MAF: variants seen among roughly 807,000 people sequenced by gnomAD.
The protein encoded by MAF is MAF bZIP transcription factor.
MAF carries 10 observed loss-of-function variants against 22.0 expected under a neutral mutation model. The ratio of observed to expected loss-of-function variants is 0.45; its 90% CI spans 0.28 to 0.77. The LOEUF is 0.77. MAF is among the 30% of genes least tolerant of loss of function. The pLI is 0.12. For synonymous variants in MAF, 337 were observed against 255.8 expected, an observed-to-expected ratio of 1.32 and a Z score of -3.03; for missense variants, 544 against 548.4, an observed-to-expected ratio of 0.99 and a Z score of 0.08.
the MAF span, among the ~76,000 whole-genome samples, chr16:79,575,306 G>A: frequency 6.6e-6 from 1 of 152,082 alleles, no homozygotes; most frequent in Admixed American, 6.5e-5. Context: ...GACCATGAAG[G>A]CCCACCCTTG....
chr16:79,580,389 T>C, the MAF span, among the ~76,000 whole-genome samples: 1 of 152,220 alleles, frequency 6.6e-6, no homozygotes, highest in Admixed American at 6.5e-5. Flanking sequence ...CTGCACATGC[T>C]GACTAGAATG....
the MAF span, among the ~76,000 whole-genome samples, chr16:79,287,820 T>C: frequency 2.0e-5 from 3 of 152,196 alleles, no homozygotes; most frequent in Non-Finnish European, 4.4e-5. Flanking sequence ...CATTCATTTA[T>C]TCATCACCTT....
the MAF span, among the ~76,000 whole-genome samples, chr16:79,337,064 C>A: frequency 5.0e-3 from 766 of 152,256 alleles, 6 homozygotes; most frequent in African/African-American, 0.017. Context: ...ATGCTCCCTG[C>A]AAACCTTCAT....
At chr16:79,482,304 G>A in the MAF span, among the ~76,000 whole-genome samples, 1 of 152,058 alleles carries the variant, frequency 6.6e-6, no homozygotes, top group African/African-American at 2.4e-5. Flanking sequence ...ATTTCCTTCT[G>A]TTGGGGAAGT....
At chr16:79,371,156 G>C in the MAF span, among the ~76,000 whole-genome samples, 1 of 152,004 alleles carries the variant, frequency 6.6e-6, no homozygotes, top group Non-Finnish European at 1.5e-5. Flanking sequence ...GTTTTGGTGG[G>C]AGTGCCTGGA....
the MAF span, among the ~76,000 whole-genome samples, chr16:79,367,316 A>G: frequency 1.3e-5 from 2 of 152,206 alleles, no homozygotes; most frequent in African/African-American, 2.4e-5. Context: ...GTCTTATGAC[A>G]GCTGCTGGTT....
chr16:79,246,845 C>T, the MAF span, among the ~76,000 whole-genome samples: 5 of 152,114 alleles, frequency 3.3e-5, no homozygotes, highest in Non-Finnish European at 7.4e-5. Context: ...TCCATCCATC[C>T]ATCCATCTTT....
chr16:79,539,605 AG>A, the MAF span, among the ~76,000 whole-genome samples: 1 of 152,274 alleles, frequency 6.6e-6, no homozygotes, highest in South Asian at 2.1e-4. Flanking sequence ...TCAGAGATTC[AG>A]ACTAAGATTT....
At chr16:79,481,637 C>G in the MAF span, among the ~76,000 whole-genome samples, 1 of 152,186 alleles carries the variant, frequency 6.6e-6, no homozygotes, top group Non-Finnish European at 1.5e-5. Context: ...TCTACCCATC[C>G]ACCCACCCAT....
At chr16:79,547,221 A>T in the MAF span, among the ~76,000 whole-genome samples, 1 of 151,726 alleles carries the variant, frequency 6.6e-6, no homozygotes, top group Non-Finnish European at 1.5e-5. Flanking sequence ...CCCTACACAC[A>T]CCCCTACACA....
the MAF span, among the ~76,000 whole-genome samples, chr16:79,259,684 T>C: frequency 6.6e-6 from 1 of 152,132 alleles, no homozygotes. Context: ...AAGAAAGTGA[T>C]TCTGCTCATG....
At chr16:79,332,986 C>A in the MAF span, among the ~76,000 whole-genome samples, 10 of 152,362 alleles carry the variant, frequency 6.6e-5, no homozygotes, top group South Asian at 1.9e-3. Flanking sequence ...CCCCCTGTCT[C>A]CGGGCCACTG....
At chr16:79,320,873 G>A in the MAF span, among the ~76,000 whole-genome samples, 1 of 152,166 alleles carries the variant, frequency 6.6e-6, no homozygotes, top group South Asian at 2.1e-4. Flanking sequence ...CCCCATGCAG[G>A]AGGTACTGTT....
the MAF span, among the ~76,000 whole-genome samples, chr16:79,290,713 C>T: frequency 6.6e-6 from 1 of 152,072 alleles, no homozygotes; most frequent in Non-Finnish European, 1.5e-5. Context: ...TTCCGTGCAA[C>T]AGCTTCCAAT....
chr16:79,275,718 C>A, the MAF span, among the ~76,000 whole-genome samples: 1 of 152,186 alleles, frequency 6.6e-6, no homozygotes. Flanking sequence ...ACAAAACTTA[C>A]AGCCTCATGA....
chr16:79,596,486 A>C, intron 1 of MAF: 1 of 1,051,958 alleles, frequency 9.5e-7, no homozygotes, highest in Non-Finnish European at 1.1e-6. Context: ...GAATCAAAAA[A>C]AAATGCCGTT....
the MAF span, among the ~76,000 whole-genome samples, chr16:79,560,214 G>A: frequency 6.6e-6 from 1 of 152,040 alleles, no homozygotes; most frequent in African/African-American, 2.4e-5. Flanking sequence ...GTGCACCACT[G>A]TACCTGGCCA....
chr16:79,226,771 T>G, the MAF span, among the ~76,000 whole-genome samples: 1 of 152,122 alleles, frequency 6.6e-6, no homozygotes, highest in Non-Finnish European at 1.5e-5. Context: ...AAAGGTATGC[T>G]CTAATAGTTT....
At chr16:79,470,176 C>G in the MAF span, among the ~76,000 whole-genome samples, 1 of 152,214 alleles carries the variant, frequency 6.6e-6, no homozygotes, top group Non-Finnish European at 1.5e-5. Flanking sequence ...CCCAATAGAT[C>G]ACATGAGCGG....
Sources: allele counts gnomAD v4.1 joint callset (sites outside exome capture counted in the v4.1 genomes callset), GRCh38; gene constraint gnomAD v4.1.1; transcripts MANE v1.5; gene names NCBI Gene and HGNC (gene_info 2026-07-23, HGNC 2026-07-21).